MAP2K5: variants seen among roughly 807,000 people sequenced by gnomAD.
The protein encoded by MAP2K5 is mitogen-activated protein kinase kinase 5.
In MAP2K5, 49 loss-of-function variants were observed where a neutral mutation model predicts 83.1. That is an observed-to-expected ratio of 0.59 (90% CI 0.47 to 0.75). The LOEUF is 0.75. MAP2K5 is among the 30% of genes least tolerant of loss of function. MAP2K5 has a pLI of 0.00. For synonymous variants in MAP2K5, 202 were observed against 191.8 expected (o/e 1.05, Z -0.44); for missense variants, 457 against 557.5 (o/e 0.82, Z 1.82).
intron 8 of MAP2K5, among the ~76,000 whole-genome samples, chr15:67,606,443 T>G (rs565270989): frequency 1.3e-5 from 2 of 152,270 alleles, no homozygotes; most frequent in South Asian, 4.1e-4. Flanking sequence ...GCCTTCATGG[T>G]GTTTTGAAGG....
intron 3 of MAP2K5, among the ~76,000 whole-genome samples, chr15:67,575,592 A>G (rs1230482060): frequency 1.3e-5 from 2 of 152,192 alleles, no homozygotes; most frequent in African/African-American, 4.8e-5. Context: ...GAGGTATGAG[A>G]AATATGAGAT....
At position 67,748,723 on chromosome 15, in the gene MAP2K5, C is replaced by T. The variant is rs2089658435; in HGVS notation, c.1134+122C>T. The T allele has an allele frequency of 2.3e-6, 2 of 877,436 alleles. No individual in the cohort carries two copies. Among genetic ancestry groups the T allele is most frequent in the Non-Finnish European group, 1.8e-6 (1 of 549,578 alleles). 54.4% of individuals were successfully genotyped at this position (877,436 alleles called of 1,614,324 possible). A position where few individuals can be genotyped will look rare whatever the true frequency, so the allele number is the denominator to read the frequency against. ...CCTTGGAGCAAGTTGTGTTGTATGG[C>T]TCTGAGCTATGTTACGTGAACTGGC... On this transcript the variant is annotated intron_variant, in intron 19 of 21. Transcript: ENST00000178640. This position sits in a 1 kb window ranked among gnomAD's most constrained non-coding sequence, Gnocchi z 4.0.
At chr15:67,606,572 AAAG>A (rs1324549499) in intron 8 of MAP2K5, among the ~76,000 whole-genome samples, 1 of 152,178 alleles carries the variant, frequency 6.6e-6, no homozygotes, top group Non-Finnish European at 1.5e-5. Flanking sequence ...CCTTATCTAA[AAAG>A]AGGTATTTGC....
chr15:67,795,074 C>T lies in MAP2K5; in HGVS notation c.1243-11572C>T, dbSNP rs146406078. Among the ~76,000 whole-genome samples the T allele has an allele frequency of 2.6e-5, 4 of 152,300 alleles. No individual in the cohort carries two copies. In the East Asian group the frequency reaches 7.7e-4, roughly 29 times the overall value. On this transcript the variant is annotated intron_variant, in intron 21 of 21. Coordinates refer to ENST00000178640, the MANE Select transcript of MAP2K5 (RefSeq NM_145160.3). Reference sequence around the variant, plus strand: ...ACACTCCCTTTCTGCTGTTGTGAGTCGTCACTCTCAGCATTTTTCAAATGT... The same window carrying T: ...ACACTCCCTTTCTGCTGTTGTGAGTTGTCACTCTCAGCATTTTTCAAATGT...
rs2089691257 is a variant in MAP2K5, at chr15:67,750,352, G to A, written c.1134+1751G>A. ...AAAACCAGGTTGATCTTGGAACTGA[G>A]CTGATATTCTGCAATAAAAGTATTA... On this transcript the variant is annotated intron_variant, in intron 19 of 21. Transcript: ENST00000178640. The surrounding 1 kb of genome is among the most constrained non-coding windows in gnomAD (Gnocchi z 4.2). Among the ~76,000 whole-genome samples the A allele has an allele frequency of 6.6e-6, 1 of 152,208 alleles. No individual in the cohort carries two copies. Among genetic ancestry groups the A allele is most frequent in the African/African-American group, 2.4e-5 (1 of 41,454 alleles).
intron 8 of MAP2K5, among the ~76,000 whole-genome samples, chr15:67,606,826 G>T (rs1201968408): frequency 6.6e-6 from 1 of 152,214 alleles, no homozygotes; most frequent in Non-Finnish European, 1.5e-5. Flanking sequence ...ATGCTATTTA[G>T]TAAACAGAAT....
rs1208677090 is a variant in MAP2K5 at position 67,794,335 on chromosome 15, T to C, written c.1243-12311T>C. Among the ~76,000 whole-genome samples, 1 of 152,258 alleles carries C rather than the reference T, an allele frequency of 6.6e-6. No individual in the cohort carries two copies. The highest frequency in any genetic ancestry group is 1.5e-5 in the Non-Finnish European group (1 of 68,040). On this transcript the variant is annotated intron_variant, in intron 21 of 21. Transcript: ENST00000178640. The surrounding 1 kb of genome is among the most constrained non-coding windows in gnomAD (Gnocchi z 4.6). The stretch of plus-strand genomic sequence containing the variant: ...TGCTCAAGGCTAAGAGTGAGTTCTA[T>C]TGATGATTTTTATTTGCTGCTGGGA...
chr15:67,550,763 T>C (rs1250582228), intron 2 of MAP2K5, among the ~76,000 whole-genome samples: 1 of 123,770 alleles, frequency 8.1e-6, no homozygotes, highest in African/African-American at 3.1e-5. Context: ...TTTTTTCTTT[T>C]CTTTTTCTTT....
intron 15 of MAP2K5, among the ~76,000 whole-genome samples, chr15:67,696,383 G>A (rs1468830811): frequency 6.6e-6 from 1 of 152,152 alleles, no homozygotes; most frequent in East Asian, 1.9e-4. Flanking sequence ...CAGTGGCAGA[G>A]TTGAGTAGTT....
In MAP2K5 at chr15:67,760,871, T is replaced by G. The variant is rs1227737881; in HGVS notation, c.1135-8731T>G. Among the ~76,000 whole-genome samples the G allele has an allele frequency of 6.6e-6, 1 of 152,178 alleles. No individual in the cohort carries two copies. The highest frequency in any genetic ancestry group is 1.5e-5 in the Non-Finnish European group (1 of 68,030). ...GGGACCTACACACCCTGAGCCCAAG[T>G]TGGATGCCAGGGTCAGTTACCCAGC... On this transcript the variant is annotated intron_variant, in intron 19 of 21. Coordinates refer to ENST00000178640, the MANE Select transcript of MAP2K5 (RefSeq NM_145160.3). The surrounding 1 kb of genome is among the most constrained non-coding windows in gnomAD (Gnocchi z 4.1).
intron 13 of MAP2K5, among the ~76,000 whole-genome samples, chr15:67,667,268 G>C (rs1406827404): frequency 6.6e-6 from 1 of 152,182 alleles, no homozygotes; most frequent in African/African-American, 2.4e-5. Context: ...TAGCTTTTTA[G>C]ATCAGTTCAA....
intron 20 of MAP2K5, 34 bp from the exon 21 acceptor site, chr15:67,772,673 G>C (rs1555405281): frequency 6.9e-7 from 1 of 1,453,554 alleles, no homozygotes; most frequent in South Asian, 1.4e-5. Context: ...AAATGACACA[G>C]ATAACATAAG....
intron 19 of MAP2K5, among the ~76,000 whole-genome samples, chr15:67,761,453 A>C (rs1233500723): frequency 6.6e-6 from 1 of 152,236 alleles, no homozygotes; most frequent in African/African-American, 2.4e-5. Context: ...TAAGCAAATA[A>C]AGCCAACACT....
chr15:67,734,147 AT>A (rs566859724), intron 17 of MAP2K5, among the ~76,000 whole-genome samples: 39 of 152,336 alleles, frequency 2.6e-4, no homozygotes, highest in Middle Eastern at 3.4e-3. Context: ...TTTAAAACCG[AT>A]TAATTTATTT....
At chr15:67,548,039 G>C (rs1041276860) in intron 1 of MAP2K5, among the ~76,000 whole-genome samples, 1 of 152,010 alleles carries the variant, frequency 6.6e-6, no homozygotes, top group Non-Finnish European at 1.5e-5. Context: ...CCTTTTCCTC[G>C]TATCAGGTGA....
rs998861803 is a variant in MAP2K5 at position 67,724,905 on chromosome 15, A to G, written c.1045-3011A>G. On this transcript the variant is annotated intron_variant, in intron 16 of 21. Coordinates refer to ENST00000178640, the MANE Select transcript of MAP2K5 (RefSeq NM_145160.3). The surrounding 1 kb of genome is among the most constrained non-coding windows in gnomAD (Gnocchi z 4.4). ...TGTAAGAGAGGAAGTGATTGTCATC[A>G]TGCTGCAATTGCAGCGGTACCTACT... Among the ~76,000 whole-genome samples the G allele has an allele frequency of 1.3e-5, 2 of 152,224 alleles. No individual in the cohort carries two copies. The highest frequency in any genetic ancestry group is 4.8e-5 in the African/African-American group (2 of 41,470).
chr15:67,543,776 T>G lies in MAP2K5; in HGVS notation c.135+306T>G, dbSNP rs923642242. On this transcript the variant is annotated intron_variant, in intron 1 of 21. Transcript: ENST00000178640. The surrounding 1 kb of genome is among the most constrained non-coding windows in gnomAD (Gnocchi z 4.3). ...CAAACTGCTGAATCTAGAAGAGAGG[T>G]TTTTTCCCCCCAAGTGTTTCGGGGA... 1.3e-5 allele frequency among the ~76,000 whole-genome samples: 2 copies of G among 151,850 alleles called. No homozygotes were observed. Among genetic ancestry groups the G allele is most frequent in the African/African-American group, 2.4e-5 (1 of 41,332 alleles).
In MAP2K5 at chr15:67,565,651, G is replaced by A. The variant is rs1314262867; in HGVS notation, c.252+2301G>A. ...TCAAATTCAGTGTTTAATTATTTTT[G>A]TGTTGTAGGAAAATATGATTACATA... On this transcript the variant is annotated intron_variant, in intron 3 of 21. Transcript: ENST00000178640. This position sits in a 1 kb window ranked among gnomAD's most constrained non-coding sequence, Gnocchi z 4.1. Among the ~76,000 whole-genome samples the A allele has an allele frequency of 6.6e-6, 1 of 152,122 alleles. No individual in the cohort carries two copies. The highest frequency in any genetic ancestry group is 6.5e-5 in the Admixed American group (1 of 15,278).
rs1171535536 is a variant in MAP2K5 at position 67,780,148 on chromosome 15, A to G, written c.1242+7396A>G. On this transcript the variant is annotated intron_variant, in intron 21 of 21. Coordinates refer to ENST00000178640, the MANE Select transcript of MAP2K5 (RefSeq NM_145160.3). This position sits in a 1 kb window ranked among gnomAD's most constrained non-coding sequence, Gnocchi z 5.0. ...TCATCTTATGGCCACAAGTTAGTCC[A>G]TGTAGTACAGCGGCTCTCAACACTA... Among the ~76,000 whole-genome samples, 1 of 152,150 alleles carries G rather than the reference A, an allele frequency of 6.6e-6. No individual in the cohort carries two copies. Among genetic ancestry groups the G allele is most frequent in the Non-Finnish European group, 1.5e-5 (1 of 68,006 alleles).
Sources: allele counts gnomAD v4.1 joint callset (sites outside exome capture counted in the v4.1 genomes callset), GRCh38; gene constraint gnomAD v4.1.1; non-coding constraint Gnocchi (gnomAD v3.1); transcripts MANE v1.5; gene names NCBI Gene and HGNC (gene_info 2026-07-23, HGNC 2026-07-21).